The following FAM241B variants were observed in gnomAD, a reference collection of about 807,000 sequenced individuals.
The protein encoded by FAM241B is protein FAM241B.
FAM241B carries 7 observed loss-of-function variants against 9.3 expected under a neutral mutation model. That is an observed-to-expected ratio of 0.75 (90% confidence interval 0.43 to 1.41). The LOEUF is 1.41. Among genes scored for constraint, FAM241B ranks in the 40% most tolerant of loss-of-function variants. The probability of loss-of-function intolerance (pLI) is 0.01; values close to 1 mark genes in which losing one functional copy is unlikely to be tolerated. For missense variants in FAM241B, 136 were observed against 159.6 expected (o/e 0.85, Z 0.80); for synonymous variants, 60 against 64.1 (o/e 0.94, Z 0.31).
In FAM241B at chr10:69,630,591, C is replaced by A; in HGVS notation, c.-104+278C>A. On this transcript the variant is annotated intron_variant, in intron 1 of 3. Coordinates refer to ENST00000373279, the MANE Select transcript of FAM241B (RefSeq NM_145306.3). ...AGGGGGACGCGCCTGTCCCGGGCTC[C>A]AGGCTACGGGCAAGACCACAGGGCT... The A allele has an allele frequency of 3.2e-6, 4 of 1,261,174 alleles. No homozygotes were observed. The South Asian group carries it at 5.3e-5, about 17-fold the overall frequency. 78.1% of individuals were successfully genotyped at this position (1,261,174 alleles called of 1,614,324 possible). A position where few individuals can be genotyped will look rare whatever the true frequency, so the allele number is the denominator to read the frequency against.
In FAM241B at chr10:69,633,176, C is replaced by A; in HGVS notation, c.*117C>A. 1 of 1,392,402 alleles carries A rather than the reference C, an allele frequency of 7.2e-7. No individual in the cohort carries two copies. The highest frequency in any genetic ancestry group is 9.8e-7 in the Non-Finnish European group (1 of 1,015,606). The allele number at this position is 1,392,402 out of a possible 1,614,324, so 86.3% of individuals were successfully genotyped here. On this transcript the variant is annotated 3_prime_UTR_variant, in exon 4 of 4. Transcript: ENST00000373279. ...CTTGAAGGTATGATCAGAGAGGGGA[C>A]CACAGGTGTGTGTTTCCCCTTTGTG...
Position 69,631,852 on chromosome 10 carries a change from T to C in FAM241B, c.96+13T>C. ...CATTCCTCGACAGGTAGGTACTCAT[T>C]TCCTGTGGAGTGGGACAGATGGCCT... On this transcript the variant is annotated intron_variant, in intron 3 of 3. Coordinates refer to ENST00000373279, the MANE Select transcript of FAM241B (RefSeq NM_145306.3). 1.2e-6 allele frequency: 2 copies of C among 1,602,162 alleles called. No individual in the cohort carries two copies. The highest frequency in any genetic ancestry group is 1.7e-6 in the Non-Finnish European group (2 of 1,174,960).
chr10:69,633,001 TTC>T lies in FAM241B; in HGVS notation c.309_310del (p.Arg104TrpfsTer23). The T allele has an allele frequency of 3.1e-6, 5 of 1,614,196 alleles. No individual in the cohort carries two copies. Among genetic ancestry groups the T allele is most frequent in the Non-Finnish European group, 4.2e-6 (5 of 1,180,038 alleles). ...CTCTTCCTGCTCATGATGCTTGGTG[TTC>T]GTGGCCTCCTCCTGGTTGGCCTTGT... On this transcript the variant is annotated frameshift_variant, in exon 4 of 4. Transcript: ENST00000373279. LOFTEE classifies it high-confidence loss of function.
At chr10:69,630,745 G>GT in intron 1 of FAM241B, 1 of 1,128,972 alleles carries the variant, frequency 8.9e-7, no homozygotes, top group Non-Finnish European at 1.2e-6. Flanking sequence ...CCGCAGTCCA[G>GT]GGGTCCGCGG....
In FAM241B at chr10:69,631,476, T is replaced by C; in HGVS notation, c.-103-4T>C. The C allele has an allele frequency of 5.3e-6, 8 of 1,511,394 alleles. No individual in the cohort carries two copies. Among genetic ancestry groups the C allele is most frequent in the Non-Finnish European group, 7.1e-6 (8 of 1,121,268 alleles). 93.6% of individuals were successfully genotyped at this position (1,511,394 alleles called of 1,614,324 possible). ...CCTTTATTTCTCCCCTTTTTGTTAATCAGACACAGCATCTACTCAGCGTGG... is the reference window on the plus strand; with the variant it reads ...CCTTTATTTCTCCCCTTTTTGTTAACCAGACACAGCATCTACTCAGCGTGG... On this transcript the variant is annotated splice_polypyrimidine_tract_variant and splice_region_variant and intron_variant, in intron 1 of 3. Coordinates refer to ENST00000373279, the MANE Select transcript of FAM241B (RefSeq NM_145306.3).
At chr10:69,632,746 T>C (rs1159542600) in intron 3 of FAM241B, 44 bp from the exon 4 acceptor site, 1 of 1,593,754 alleles carries the variant, frequency 6.3e-7, no homozygotes, top group Non-Finnish European at 8.5e-7. Context: ...GGCTGGTGCG[T>C]CAACCCAATG....
chr10:69,630,706 C>G, intron 1 of FAM241B: 1 of 1,280,538 alleles, frequency 7.8e-7, no homozygotes, highest in Non-Finnish European at 1.0e-6. Context: ...TGGCCTTTAC[C>G]CAGACTCAAG....
At chr10:69,632,756 G>A in intron 3 of FAM241B, 34 bp from the exon 4 acceptor site, 1 of 1,601,244 alleles carries the variant, frequency 6.2e-7, no homozygotes, top group South Asian at 1.1e-5. Flanking sequence ...TCAACCCAAT[G>A]ATTCATTCAT....
In FAM241B at chr10:69,633,268, C is replaced by T. The variant is rs891273986; in HGVS notation, c.*209C>T. 16 of 724,964 alleles carry T rather than the reference C, an allele frequency of 2.2e-5. No homozygotes were observed. Among genetic ancestry groups the T allele is most frequent in the East Asian group, 1.1e-4 (4 of 36,854 alleles). The allele number at this position is 724,964 out of a possible 1,614,324, so 44.9% of individuals were successfully genotyped here. A position where few individuals can be genotyped will look rare whatever the true frequency, so the allele number is the denominator to read the frequency against. On this transcript the variant is annotated 3_prime_UTR_variant, in exon 4 of 4. Transcript: ENST00000373279. ...AAGTGTGGGTGGGTCCGTTGGTTCC[C>T]AAGATACTTTTAGGTGGTATGGGGC...
chr10:69,631,517 A>G lies in FAM241B; in HGVS notation c.-66A>G, dbSNP rs1231531844. On this transcript the variant is annotated 5_prime_UTR_variant, in exon 2 of 4. Transcript: ENST00000373279. ...CTCAGCGTGGGTCACCTCTGTGAAC[A>G]TCACTGACTGCAAGCCTCCCTCAAT... The G allele has an allele frequency of 1.3e-6, 2 of 1,539,680 alleles. No homozygotes were observed. Among genetic ancestry groups the G allele is most frequent in the South Asian group, 2.4e-5 (2 of 83,122 alleles).
Position 69,631,507 on chromosome 10 carries a change from C to T in FAM241B, c.-76C>T. The T allele has an allele frequency of 2.0e-6, 3 of 1,536,844 alleles. No individual in the cohort carries two copies. Among genetic ancestry groups the T allele is most frequent in the Non-Finnish European group, 2.6e-6 (3 of 1,138,314 alleles). Reference sequence around the variant, plus strand: ...ACAGCATCTACTCAGCGTGGGTCACCTCTGTGAACATCACTGACTGCAAGC... The same window carrying T: ...ACAGCATCTACTCAGCGTGGGTCACTTCTGTGAACATCACTGACTGCAAGC... On this transcript the variant is annotated 5_prime_UTR_variant, in exon 2 of 4. Transcript: ENST00000373279.
At chr10:69,630,693 G>A in intron 1 of FAM241B, 1 of 1,292,376 alleles carries the variant, frequency 7.7e-7, no homozygotes, top group Non-Finnish European at 1.0e-6. Flanking sequence ...TCCTGAGAAT[G>A]AATGGCCTTT....
chr10:69,631,064 G>T (rs1839810292), intron 1 of FAM241B, among the ~76,000 whole-genome samples: 1 of 152,208 alleles, frequency 6.6e-6, no homozygotes, highest in South Asian at 2.1e-4. Context: ...TTTAGTGGAA[G>T]GGAATTGGAA....
In FAM241B at chr10:69,630,276, G is replaced by A. The variant is rs1048266193; in HGVS notation, c.-141G>A. 1 of 152,782 alleles carries A rather than the reference G, an allele frequency of 6.5e-6. No individual in the cohort carries two copies. The highest frequency in any genetic ancestry group is 1.9e-4 in the East Asian group (1 of 5,164). The allele number at this position is 152,782 out of a possible 1,614,324, so 9.5% of individuals were successfully genotyped here. A position where few individuals can be genotyped will look rare whatever the true frequency, so the allele number is the denominator to read the frequency against. On this transcript the variant is annotated 5_prime_UTR_variant, in exon 1 of 4. Coordinates refer to ENST00000373279, the MANE Select transcript of FAM241B (RefSeq NM_145306.3). ...GGGAGGAAACCGCCTGGAGCCGCCG[G>A]GAGTGGACGCCGCCGAGGCCCGGAG...
intron 3 of FAM241B, among the ~76,000 whole-genome samples, chr10:69,632,480 A>AG (rs1333940982): frequency 7.2e-6 from 1 of 138,336 alleles, no homozygotes; most frequent in Admixed American, 7.5e-5. Context: ...AAAAAAAAAA[A>AG]GAAAGGAGTG....
chr10:69,631,187 G>A (rs1427247386), intron 1 of FAM241B, among the ~76,000 whole-genome samples: 1 of 152,196 alleles, frequency 6.6e-6, no homozygotes, highest in Non-Finnish European at 1.5e-5. Flanking sequence ...TGTGATCCCG[G>A]GCAGGCCACT....
intron 1 of FAM241B, chr10:69,630,738 C>T (rs1589690461): frequency 1.7e-6 from 2 of 1,183,412 alleles, no homozygotes; most frequent in East Asian, 1.3e-4. Context: ...AGGGGCCCCG[C>T]AGTCCAGGGG....
intron 1 of FAM241B, 97 bp from the exon 2 acceptor site, chr10:69,631,383 A>G: frequency 3.8e-6 from 4 of 1,052,178 alleles, no homozygotes; most frequent in Non-Finnish European, 5.3e-6. Flanking sequence ...TTCCTTTGCC[A>G]AGGATCTTTT....
At position 69,632,969 on chromosome 10, in the gene FAM241B, C is replaced by T. The variant is rs141324225; in HGVS notation, c.276C>T (p.Ile92=). Reference sequence around the variant, plus strand: ...ATGCTGTGGAGCCGGTGACCTCCATCCTGCTCCTCTTCCTGCTCATGATGC... The same window carrying T: ...ATGCTGTGGAGCCGGTGACCTCCATTCTGCTCCTCTTCCTGCTCATGATGC... ...GNHAVEPVTS[I]LLLFLLMMLG... is the part of the protein sequence containing the mutation. The change falls in exon 4 of 4, where the codon ATC becomes ATT. Residue 92 remains isoleucine (I), a synonymous_variant. Coordinates refer to ENST00000373279, the MANE Select transcript of FAM241B (RefSeq NM_145306.3). 2,314 of 1,614,128 alleles carry T rather than the reference C, an allele frequency of 1.4e-3. 24 individuals are homozygous for T. The African/African-American group carries it at 0.026, about 18-fold the overall frequency.
Sources: allele counts gnomAD v4.1 joint callset (sites outside exome capture counted in the v4.1 genomes callset), GRCh38; gene constraint gnomAD v4.1.1; transcripts MANE v1.5; gene names NCBI Gene and HGNC (gene_info 2026-07-23, HGNC 2026-07-21).